The following MTARC2 variants were observed in gnomAD, a reference collection of about 807,000 sequenced individuals.
The protein encoded by MTARC2 is MOCO sulphurase C-terminal domain containing 2.
MTARC2 carries 27 observed loss-of-function variants against 35.6 expected under a neutral mutation model. The observed-to-expected ratio is 0.76, with a 90% CI of 0.56 to 1.04. The LOEUF is 1.04. MTARC2 is among the 50% of genes least tolerant of loss of function. The pLI is 0.00. For missense variants in MTARC2, 412 were observed against 432.5 expected (o/e 0.95, Z 0.42); for synonymous variants, 158 against 167.1 (o/e 0.95, Z 0.42).
chr1:220,772,342 C>T (rs1206077802), intron 4 of MTARC2, among the ~76,000 whole-genome samples: 2 of 152,212 alleles, frequency 1.3e-5, no homozygotes, highest in Non-Finnish European at 2.9e-5. Context: ...TCAAGGTGAG[C>T]ATAAGCGTGC....
chr1:220,752,258 C>T (rs1276904358), intron 1 of MTARC2, among the ~76,000 whole-genome samples: 1 of 152,184 alleles, frequency 6.6e-6, no homozygotes, highest in African/African-American at 2.4e-5. Context: ...AATGTGCAAA[C>T]AGGTTTGCCA....
At chr1:220,769,666 A>T (rs1256378972) in intron 4 of MTARC2, among the ~76,000 whole-genome samples, 4 of 152,128 alleles carry the variant, frequency 2.6e-5, no homozygotes, top group African/African-American at 9.6e-5. Context: ...CTGATCTGAA[A>T]GTTAACAGGT....
intron 4 of MTARC2, among the ~76,000 whole-genome samples, chr1:220,772,683 GGTGTGTGTGTGTGTGTTTGTGT>G (rs886111378): frequency 6.8e-6 from 1 of 147,958 alleles, no homozygotes; most frequent in Admixed American, 6.7e-5. Flanking sequence ...CTCTGGGCAG[GGTGTGTGTGTGTGTGTTTGTGT>G]GTGTGTGTGT....
At chr1:220,775,851 C>T (rs1671891058) in intron 4 of MTARC2, among the ~76,000 whole-genome samples, 1 of 152,178 alleles carries the variant, frequency 6.6e-6, no homozygotes, top group Admixed American at 6.5e-5. Context: ...CTGCAAAGGA[C>T]ATAATCTGTG....
chr1:220,752,652 A>C (rs28499036), intron 1 of MTARC2, among the ~76,000 whole-genome samples: 3 of 151,972 alleles, frequency 2.0e-5, no homozygotes, highest in Admixed American at 6.6e-5. Flanking sequence ...ACCAGCCAGG[A>C]GGTCCAGACC....
chr1:220,781,063 G>T (rs552062131), intron 6 of MTARC2, among the ~76,000 whole-genome samples: 1 of 150,460 alleles, frequency 6.6e-6, no homozygotes, highest in Non-Finnish European at 1.5e-5. Context: ...TCCCAACGAA[G>T]ATAGTGATTT....
rs1572286794 is a variant in MTARC2 at position 220,748,322 on chromosome 1, C to A, written c.-210C>A. 1 of 462,968 alleles carries A rather than the reference C, an allele frequency of 2.2e-6. No homozygotes were observed. The highest frequency in any genetic ancestry group is 3.8e-5 in the East Asian group (1 of 26,144). 28.7% of individuals were successfully genotyped at this position (462,968 alleles called of 1,614,324 possible). A position where few individuals can be genotyped will look rare whatever the true frequency, so the allele number is the denominator to read the frequency against. On this transcript the variant is annotated 5_prime_UTR_variant, in exon 1 of 8. Transcript: ENST00000366913. ...CCGCCGCTGTCTGCCTGTCTTCCTC[C>A]ATTACCGCGCAGGCTTGGTCACCGC...
chr1:220,764,203 C>T (rs1268190187), intron 4 of MTARC2, among the ~76,000 whole-genome samples: 3 of 151,964 alleles, frequency 2.0e-5, no homozygotes, highest in Non-Finnish European at 2.9e-5. Flanking sequence ...GTGTGATTCT[C>T]CTGCCTTAGC....
chr1:220,748,712 T>C lies in MTARC2; in HGVS notation c.181T>C (p.Trp61Arg), dbSNP rs1484919316. The C allele has an allele frequency of 1.3e-6, 2 of 1,598,190 alleles. No homozygotes were observed. Among genetic ancestry groups the C allele is most frequent in the East Asian group, 2.3e-5 (1 of 43,804 alleles). ...GCAGGTGGGCACCGTGGCGAAGCTC[T>C]GGATCTACCCGGTGAAATCCTGCAA... ...LQQVGTVAKL[W>R]IYPVKSCKGV... The change falls in exon 1 of 8, where the codon TGG becomes CGG. Residue 61 changes from tryptophan (W) to arginine (R), a missense_variant. Physicochemically the swap from Trp to Arg is moderately radical, Grantham distance 101. Transcript: ENST00000366913.
chr1:220,750,854 T>A (rs534574694), intron 1 of MTARC2, among the ~76,000 whole-genome samples: 5 of 152,326 alleles, frequency 3.3e-5, no homozygotes, highest in African/African-American at 7.2e-5. Context: ...ACAGAACTTA[T>A]GCTGTTTGTA....
At chr1:220,763,518 G>A (rs1671498001) in intron 4 of MTARC2, among the ~76,000 whole-genome samples, 1 of 152,026 alleles carries the variant, frequency 6.6e-6, no homozygotes, top group African/African-American at 2.4e-5. Flanking sequence ...TCTCTCCCAG[G>A]GCACCCACAT....
rs186885065 is a variant in MTARC2, at chr1:220,777,776, A to T, written c.751-2242A>T. Reference sequence around the variant, plus strand: ...ATTCACGGAGGGGCCTGCAACCTTTATATAGCTCTACATACATCCCCTCCC... The same window carrying T: ...ATTCACGGAGGGGCCTGCAACCTTTTTATAGCTCTACATACATCCCCTCCC... On this transcript the variant is annotated intron_variant, in intron 4 of 7. Transcript: ENST00000366913. 2.5e-3 allele frequency among the ~76,000 whole-genome samples: 388 copies of T among 152,284 alleles called. 1 individual carries two copies. Among genetic ancestry groups the T allele is most frequent in the South Asian group, 0.011 (51 of 4,832 alleles).
chr1:220,755,811 G>A (rs1012529313), intron 2 of MTARC2, among the ~76,000 whole-genome samples: 17 of 152,174 alleles, frequency 1.1e-4, no homozygotes, highest in Non-Finnish European at 2.4e-4. Context: ...ATGTCAAAGC[G>A]TAAAACATGC....
At chr1:220,774,071 G>GTTT (rs34602928) in intron 4 of MTARC2, among the ~76,000 whole-genome samples, 2 of 142,046 alleles carry the variant, frequency 1.4e-5, no homozygotes, top group African/African-American at 5.2e-5. Flanking sequence ...TCACATCCTC[G>GTTT]TTTTTTTTTT....
At chr1:220,775,265 G>C (rs921526113) in intron 4 of MTARC2, among the ~76,000 whole-genome samples, 1 of 151,694 alleles carries the variant, frequency 6.6e-6, no homozygotes. Flanking sequence ...AAATCCTCAG[G>C]ATTATTTCCT....
intron 2 of MTARC2, among the ~76,000 whole-genome samples, chr1:220,756,995 C>G (rs541469334): frequency 1.3e-4 from 20 of 152,234 alleles, no homozygotes; most frequent in Non-Finnish European, 4.4e-5. Flanking sequence ...CTCCACCTCC[C>G]AGGTTCAAGC....
intron 1 of MTARC2, among the ~76,000 whole-genome samples, chr1:220,750,195 G>C (rs545886106): frequency 5.4e-4 from 83 of 152,294 alleles, no homozygotes; most frequent in African/African-American, 1.9e-3. Context: ...AGGATGTTTA[G>C]AGCTTATTCA....
intron 4 of MTARC2, among the ~76,000 whole-genome samples, chr1:220,766,801 G>A (rs1671588672): frequency 6.7e-6 from 1 of 149,976 alleles, no homozygotes; most frequent in African/African-American, 2.5e-5. Context: ...CAGTGAGAGT[G>A]GAGTTGTCTC....
chr1:220,770,456 G>A (rs910992459), intron 4 of MTARC2: 2 of 985,278 alleles, frequency 2.0e-6, no homozygotes, highest in Non-Finnish European at 2.4e-6. Context: ...GTGAACGCAC[G>A]CTTATCGATC....
Sources: allele counts gnomAD v4.1 joint callset (sites outside exome capture counted in the v4.1 genomes callset), GRCh38; gene constraint gnomAD v4.1.1; transcripts MANE v1.5; gene names NCBI Gene and HGNC (gene_info 2026-07-23, HGNC 2026-07-21).